The following CNOT9 variants were observed in gnomAD, a reference collection of about 807,000 sequenced individuals.
The protein encoded by CNOT9 is CCR4-NOT transcription complex subunit 9, also known as RCD1 required for cell differentiation1 homolog.
A neutral mutation model predicts 37.4 loss-of-function variants in CNOT9; 8 were observed. The observed-to-expected ratio is 0.21, with a 90% confidence interval of 0.13 to 0.39. CNOT9 has a LOEUF of 0.39. CNOT9 is among the 10% of genes least tolerant of loss of function. CNOT9 has a pLI of 1.00. For missense variants in CNOT9, 154 were observed against 365.3 expected, an observed-to-expected ratio of 0.42 and a Z score of 4.71; for synonymous variants, 120 against 137.6, an observed-to-expected ratio of 0.87 and a Z score of 0.90.
intron 1 of CNOT9, among the ~76,000 whole-genome samples, chr2:218,573,046 A>G (rs1286514092): frequency 6.6e-6 from 1 of 152,276 alleles, no homozygotes; most frequent in East Asian, 1.9e-4. Flanking sequence ...TGGGCCGGGC[A>G]TGGTGGCTCA....
chr2:218,587,504 C>T (rs1276608361), intron 4 of CNOT9, 82 bp from the exon 5 acceptor site: 2 of 1,366,400 alleles, frequency 1.5e-6, no homozygotes, highest in African/African-American at 3.0e-5. Context: ...AAGTTCACAA[C>T]TCACTGGATA....
chr2:218,577,851 A>G (rs1207358203), intron 1 of CNOT9, among the ~76,000 whole-genome samples: 1 of 152,158 alleles, frequency 6.6e-6, no homozygotes, highest in Non-Finnish European at 1.5e-5. Context: ...AAGGTACTAT[A>G]TTGCCAGACC....
intron 1 of CNOT9, among the ~76,000 whole-genome samples, chr2:218,579,879 T>C (rs1220297136): frequency 1.3e-5 from 2 of 151,398 alleles, no homozygotes; most frequent in Non-Finnish European, 1.5e-5. Flanking sequence ...AGTGCAATGG[T>C]GCAATCTCAG....
In CNOT9 at chr2:218,592,466, C is replaced by A; in HGVS notation, c.639+64C>A. 1.3e-6 allele frequency: 2 copies of A among 1,505,328 alleles called. No individual in the cohort carries two copies. The highest frequency in any genetic ancestry group is 1.8e-6 in the Non-Finnish European group (2 of 1,081,200). The allele number at this position is 1,505,328 out of a possible 1,614,324, so 93.2% of individuals were successfully genotyped here. On this transcript the variant is annotated intron_variant, in intron 6 of 7. Transcript: ENST00000273064. The surrounding 1 kb of genome is among the most constrained non-coding windows in gnomAD (Gnocchi z 4.1). ...ATCACAAAGCTTAATCTCTTTATAA[C>A]TGGCATTGAACAACTTCAGTCCTCT...
At chr2:218,583,825 G>A (rs904229331) in intron 3 of CNOT9, among the ~76,000 whole-genome samples, 1 of 152,152 alleles carries the variant, frequency 6.6e-6, no homozygotes. Flanking sequence ...AATCTTGGGC[G>A]TTGGCTCTTC....
chr2:218,579,125 T>G (rs971689434), intron 1 of CNOT9, among the ~76,000 whole-genome samples: 3 of 152,186 alleles, frequency 2.0e-5, no homozygotes, highest in East Asian at 1.9e-4. Context: ...TCTCAAAAAC[T>G]ATTATATGCA....
chr2:218,579,754 TG>T (rs1335954208), intron 1 of CNOT9, among the ~76,000 whole-genome samples: 3 of 152,186 alleles, frequency 2.0e-5, no homozygotes, highest in Non-Finnish European at 2.9e-5. Flanking sequence ...CCCAAAGTGC[TG>T]GGATTACAGG....
At chr2:218,580,762 G>T (rs1694344926) in intron 2 of CNOT9, 22 bp downstream of exon 2, 2 of 1,601,982 alleles carry the variant, frequency 1.2e-6, no homozygotes, top group Non-Finnish European at 8.5e-7. Context: ...TCCATGATTG[G>T]CAGTTCAGTT....
At chr2:218,570,796 G>A (rs538057791) in intron 1 of CNOT9, among the ~76,000 whole-genome samples, 8 of 152,158 alleles carry the variant, frequency 5.3e-5, no homozygotes, top group Non-Finnish European at 1.2e-4. Flanking sequence ...TAAAGCTGTG[G>A]TACATTACTT....
chr2:218,583,837 A>G (rs1201053865), intron 3 of CNOT9, among the ~76,000 whole-genome samples: 4 of 152,246 alleles, frequency 2.6e-5, no homozygotes, highest in Admixed American at 2.0e-4. Flanking sequence ...TGGCTCTTCT[A>G]CAAGGTGTAA....
At chr2:218,582,515 C>A (rs1011593017) in intron 2 of CNOT9, among the ~76,000 whole-genome samples, 1 of 152,090 alleles carries the variant, frequency 6.6e-6, no homozygotes, top group African/African-American at 2.4e-5. Context: ...ACGGTGAAAC[C>A]CCATCTCTAC....
Position 218,568,966 on chromosome 2 carries a change from G to A in CNOT9, c.12G>A (p.Leu4=). MHS[L]ATAAPVPTTL... is the part of the protein sequence containing the mutation. The stretch of plus-strand genomic sequence containing the variant: ...CGGCCGCTCACAACATGCACAGCCT[G>A]GCGACGGCTGCGGTGAGTGGCTGGG... Residue 4 remains leucine, a synonymous_variant, in exon 1 of 8, where the codon CTG becomes CTA. Transcript: ENST00000273064. 1 of 1,611,136 alleles carries A rather than the reference G, an allele frequency of 6.2e-7. No homozygotes were observed.
chr2:218,580,510 C>A, intron 1 of CNOT9, 51 bp from the exon 2 acceptor site: 1 of 1,487,102 alleles, frequency 6.7e-7, no homozygotes, highest in Non-Finnish European at 9.1e-7. Flanking sequence ...CAGGGTAAGA[C>A]TTGGTTTGAC....
At chr2:218,580,790 A>G (rs538328558) in intron 2 of CNOT9, 50 bp downstream of exon 2, 5 of 1,508,226 alleles carry the variant, frequency 3.3e-6, no homozygotes, top group Non-Finnish European at 4.6e-6. Context: ...TTACACTTGT[A>G]TATTTCTTTA....
At chr2:218,569,014 C>A (rs1256067949) in intron 1 of CNOT9, 36 bp downstream of exon 1, 5 of 1,609,746 alleles carry the variant, frequency 3.1e-6, no homozygotes, top group East Asian at 2.3e-5. Flanking sequence ...GAACCAGAAT[C>A]CTTTCTCAGA....
At chr2:218,586,420 C>T (rs1694600260) in intron 4 of CNOT9, among the ~76,000 whole-genome samples, 1 of 152,088 alleles carries the variant, frequency 6.6e-6, no homozygotes, top group African/African-American at 2.4e-5. Context: ...GAGAAGCTGG[C>T]CATCTACAAG....
chr2:218,590,664 T>C (rs79010953), intron 5 of CNOT9, among the ~76,000 whole-genome samples: 4,109 of 152,258 alleles, frequency 0.027, 183 homozygotes, highest in African/African-American at 0.094. Flanking sequence ...TTCTAGCTTC[T>C]AGAACTGCAT....
At chr2:218,574,503 A>G (rs948857142) in intron 1 of CNOT9, among the ~76,000 whole-genome samples, 3 of 152,184 alleles carry the variant, frequency 2.0e-5, no homozygotes, top group African/African-American at 7.2e-5. Context: ...AATTTCTTCA[A>G]CTTGGAGGAG....
At position 218,594,428 on chromosome 2, in the gene CNOT9, T is replaced by A. The variant is rs1335231993; in HGVS notation, c.*152T>A. On this transcript the variant is annotated 3_prime_UTR_variant, in exon 8 of 8. Coordinates refer to ENST00000273064, the MANE Select transcript of CNOT9 (RefSeq NM_005444.3). ...AAGGGGCAAGGTACCCCTGCTGAGG[T>A]GTATGGGCTGCCATCTCAGGCTGTC... 1 of 839,126 alleles carries A rather than the reference T, an allele frequency of 1.2e-6. No individual in the cohort carries two copies. Among genetic ancestry groups the A allele is most frequent in the Non-Finnish European group, 1.8e-6 (1 of 556,160 alleles). 52.0% of individuals were successfully genotyped at this position (839,126 alleles called of 1,614,324 possible).
Sources: allele counts gnomAD v4.1 joint callset (sites outside exome capture counted in the v4.1 genomes callset), GRCh38; gene constraint gnomAD v4.1.1; non-coding constraint Gnocchi (gnomAD v3.1); transcripts MANE v1.5; gene names NCBI Gene and HGNC (gene_info 2026-07-23, HGNC 2026-07-21).